TMEM132C: variants seen among roughly 807,000 people sequenced by gnomAD.
TMEM132C encodes protein phosphatase 1, regulatory subunit 152.
A neutral mutation model predicts 61.4 loss-of-function variants in TMEM132C; 29 were observed. The ratio of observed to expected loss-of-function variants is 0.47; its 90% CI spans 0.35 to 0.64. The LOEUF is 0.64. Ranked by LOEUF, TMEM132C falls within the 30% of genes least tolerant of loss-of-function variation. The probability of loss-of-function intolerance (pLI) is 0.00; values close to 1 mark genes in which losing one functional copy is unlikely to be tolerated. For missense variants in TMEM132C, 1,408 were observed against 1,476.9 expected, an observed-to-expected ratio of 0.95 and a Z score of 0.76; for synonymous variants, 656 against 633.1, an observed-to-expected ratio of 1.04 and a Z score of -0.54.
rs1031576157 is a variant in TMEM132C, at chr12:128,396,456, C to T, written c.86-18276C>T. Reference sequence around the variant, plus strand: ...GCATTAGACAAATACCTAGTGCACGCGGGGCCTAAAACCTAGATGACGGGT... The same window carrying T: ...GCATTAGACAAATACCTAGTGCACGTGGGGCCTAAAACCTAGATGACGGGT... On this transcript the variant is annotated intron_variant, in intron 1 of 8. Transcript: ENST00000435159. Among the ~76,000 whole-genome samples the T allele has an allele frequency of 5.8e-4, 80 of 137,500 alleles. 1 individual carries two copies. Among genetic ancestry groups the T allele is most frequent in the East Asian group, 2.5e-3 (12 of 4,866 alleles). 90.2% of individuals were successfully genotyped at this position (137,500 alleles called of 152,430 possible). A position where few individuals can be genotyped will look rare whatever the true frequency, so the allele number is the denominator to read the frequency against.
At chr12:128,358,552 T>G (rs1873594106) in intron 1 of TMEM132C, among the ~76,000 whole-genome samples, 1 of 147,370 alleles carries the variant, frequency 6.8e-6, no homozygotes, top group African/African-American at 2.5e-5. Context: ...CTGAACTTCC[T>G]AAAGAACCAG....
intron 3 of TMEM132C, among the ~76,000 whole-genome samples, chr12:128,547,039 C>T (rs779055655): frequency 2.0e-5 from 3 of 152,136 alleles, no homozygotes; most frequent in East Asian, 1.9e-4. Flanking sequence ...CGGGGAATGG[C>T]GTTCCTTCCC....
At chr12:128,277,074 T>C (rs993234426) in intron 1 of TMEM132C, among the ~76,000 whole-genome samples, 2 of 152,308 alleles carry the variant, frequency 1.3e-5, no homozygotes, top group South Asian at 2.1e-4. Context: ...TGAGGTTGGG[T>C]TTGACACACT....
At chr12:128,453,479 G>T (rs1007044150) in intron 2 of TMEM132C, among the ~76,000 whole-genome samples, 2 of 152,056 alleles carry the variant, frequency 1.3e-5, no homozygotes, top group Non-Finnish European at 2.9e-5. Flanking sequence ...TGACATGGCC[G>T]CACGGTGTTC....
intron 3 of TMEM132C, among the ~76,000 whole-genome samples, chr12:128,547,676 C>T (rs186688727): frequency 3.3e-5 from 5 of 152,266 alleles, no homozygotes; most frequent in African/African-American, 9.6e-5. Context: ...GCCACATCCC[C>T]GTGTTGGCCA....
intron 2 of TMEM132C, among the ~76,000 whole-genome samples, chr12:128,491,497 C>T (rs918536314): frequency 3.9e-5 from 6 of 152,198 alleles, no homozygotes; most frequent in African/African-American, 1.4e-4. Flanking sequence ...TGTGACGTCT[C>T]TTTGGCTGGC....
chr12:128,339,964 T>A (rs574010770), intron 1 of TMEM132C, among the ~76,000 whole-genome samples: 137 of 152,354 alleles, frequency 9.0e-4, no homozygotes, highest in Non-Finnish European at 2.8e-4. Flanking sequence ...AACTTGGTCA[T>A]CAATGCAACT....
intron 1 of TMEM132C, among the ~76,000 whole-genome samples, chr12:128,389,796 C>G (rs1874707291): frequency 6.6e-6 from 1 of 152,200 alleles, no homozygotes; most frequent in South Asian, 2.1e-4. Flanking sequence ...AATTAAGGCC[C>G]AGCCCTCACC....
chr12:128,634,558 T>C (rs920202893), intron 4 of TMEM132C, among the ~76,000 whole-genome samples: 1 of 152,264 alleles, frequency 6.6e-6, no homozygotes, highest in Non-Finnish European at 1.5e-5. Flanking sequence ...GCTTTCCATA[T>C]GATAATTGAC....
intron 4 of TMEM132C, among the ~76,000 whole-genome samples, chr12:128,650,453 G>A (rs1351898255): frequency 6.6e-6 from 1 of 152,108 alleles, no homozygotes; most frequent in East Asian, 1.9e-4. Flanking sequence ...GCATGGCATG[G>A]TGGCTCACAT....
chr12:128,497,085 G>A (rs1265692410), intron 2 of TMEM132C, among the ~76,000 whole-genome samples: 1 of 152,210 alleles, frequency 6.6e-6, no homozygotes, highest in Non-Finnish European at 1.5e-5. Context: ...GTTGGAGTTT[G>A]CTGGAGGTCC....
At chr12:128,575,167 A>G (rs1239440938) in intron 3 of TMEM132C, among the ~76,000 whole-genome samples, 2 of 152,218 alleles carry the variant, frequency 1.3e-5, no homozygotes, top group Non-Finnish European at 2.9e-5. Context: ...TAAACACAGC[A>G]AAGTCATCAT....
At chr12:128,639,744 G>C (rs1487962370) in intron 4 of TMEM132C, among the ~76,000 whole-genome samples, 1 of 152,150 alleles carries the variant, frequency 6.6e-6, no homozygotes, top group African/African-American at 2.4e-5. Context: ...GAGGTTTCTG[G>C]GATGTGGGAC....
At chr12:128,540,939 CTCTG>C (rs1213149357) in intron 2 of TMEM132C, among the ~76,000 whole-genome samples, 16 of 132,870 alleles carry the variant, frequency 1.2e-4, no homozygotes, top group African/African-American at 4.2e-4. Context: ...TTCTCTCTGT[CTCTG>C]TCTGTCTACT....
At chr12:128,586,538 T>C (rs1474557888) in intron 3 of TMEM132C, among the ~76,000 whole-genome samples, 1 of 152,160 alleles carries the variant, frequency 6.6e-6, no homozygotes, top group East Asian at 1.9e-4. Flanking sequence ...TTTTCCACTA[T>C]TACATAAGCA....
chr12:128,621,409 C>T (rs1953961272), intron 4 of TMEM132C, among the ~76,000 whole-genome samples: 1 of 152,136 alleles, frequency 6.6e-6, no homozygotes, highest in African/African-American at 2.4e-5. Context: ...ATGGAGGATA[C>T]AAGAAGAGGG....
At chr12:128,525,341 TCTTTC>T (rs774827303) in intron 2 of TMEM132C, among the ~76,000 whole-genome samples, 1,763 of 145,434 alleles carry the variant, frequency 0.012, 16 homozygotes, top group Middle Eastern at 0.017. Context: ...TCTCTCTCTC[TCTTTC>T]TCTCTCTCTC....
At chr12:128,314,980 A>G (rs1872101939) in intron 1 of TMEM132C, among the ~76,000 whole-genome samples, 1 of 152,220 alleles carries the variant, frequency 6.6e-6, no homozygotes, top group Non-Finnish European at 1.5e-5. Flanking sequence ...ACAAGGAAAC[A>G]AGTAAATAAA....
chr12:128,388,467 G>A (rs1036792206), intron 1 of TMEM132C, among the ~76,000 whole-genome samples: 3 of 152,154 alleles, frequency 2.0e-5, no homozygotes, highest in Admixed American at 2.0e-4. Context: ...CTCTCTCCCT[G>A]CCTCTCTGTC....
Sources: gnomAD v4.1 joint callset for allele counts (sites outside exome capture counted in the v4.1 genomes callset) on GRCh38, gnomAD v4.1.1 for gene constraint, MANE v1.5 for transcripts, NCBI Gene and HGNC (gene_info 2026-07-23, HGNC 2026-07-21) for gene names.